TNRC6B: variants seen among roughly 807,000 people sequenced by gnomAD.
TNRC6B encodes the protein trinucleotide repeat-containing gene 6B protein.
A neutral mutation model predicts 203.6 loss-of-function variants in TNRC6B; 52 were observed. That is an observed-to-expected ratio of 0.26 (90% CI 0.20 to 0.32). TNRC6B has a LOEUF of 0.32. Ranked by LOEUF, TNRC6B falls within the 10% of genes least tolerant of loss-of-function variation. The pLI is 1.00. For synonymous variants in TNRC6B, 838 were observed against 845.7 expected (o/e 0.99, Z 0.16); for missense variants, 1,923 against 2,286.2 (o/e 0.84, Z 3.24).
intron 3 of TNRC6B, among the ~76,000 whole-genome samples, chr22:40,144,832 GT>G (rs35947949): frequency 0.36 from 54,366 of 151,690 alleles, 13,073 homozygotes; most frequent in African/African-American, 0.69. Flanking sequence ...CCCATTTATA[GT>G]TAATAGGGCG....
chr22:40,291,148 G>T (rs1481767754), intron 12 of TNRC6B, among the ~76,000 whole-genome samples: 1 of 152,206 alleles, frequency 6.6e-6, no homozygotes, highest in African/African-American at 2.4e-5. Context: ...CACTTTGGGA[G>T]ACCAAGATGG....
intron 12 of TNRC6B, 105 bp downstream of exon 12, chr22:40,285,875 A>G: frequency 1.4e-6 from 2 of 1,407,008 alleles, no homozygotes; most frequent in Non-Finnish European, 1.9e-6. Context: ...AGTAAGTAGC[A>G]TAAAATATGA....
chr22:40,253,096 T>G (rs1282921610), intron 3 of TNRC6B, among the ~76,000 whole-genome samples: 5 of 144,866 alleles, frequency 3.5e-5, no homozygotes, highest in Non-Finnish European at 5.9e-5. Flanking sequence ...TTTTTTTTCT[T>G]TTTTTCTTTT....
In TNRC6B at chr22:40,308,567, C is replaced by T. The variant is rs764625921; in HGVS notation, c.4176C>T (p.Thr1392=). 6.8e-6 allele frequency: 11 copies of T among 1,613,968 alleles called. No homozygotes were observed. Among genetic ancestry groups the T allele is most frequent in the East Asian group, 2.2e-5 (1 of 44,880 alleles). ...YGMVGGKEAG[T]ESRFKQWTSM... ...TGGTTGGTGGGAAGGAGGCTGGAACCGAGTCTCGCTTTAAACAGTGGACCT... is the reference window on the plus strand; with the variant it reads ...TGGTTGGTGGGAAGGAGGCTGGAACTGAGTCTCGCTTTAAACAGTGGACCT... The change falls in exon 16 of 23, where the codon ACC becomes ACT. Residue 1392 remains threonine, a synonymous_variant. Coordinates refer to ENST00000454349, the MANE Select transcript of TNRC6B (RefSeq NM_001162501.2).
upstream of TNRC6B, among the ~76,000 whole-genome samples, chr22:40,177,513 C>A (rs1330203503): frequency 5.3e-5 from 8 of 152,138 alleles, no homozygotes. Context: ...TATTTCACCT[C>A]ATTCTTTCAA....
At chr22:40,273,766 TCCTC>T (rs1289015674) in intron 7 of TNRC6B, among the ~76,000 whole-genome samples, 166 bp downstream of exon 7, 1 of 152,174 alleles carries the variant, frequency 6.6e-6, no homozygotes, top group Non-Finnish European at 1.5e-5. Context: ...GCTCAAGCAG[TCCTC>T]CCACCTCAGC....
intron 1 of TNRC6B, among the ~76,000 whole-genome samples, chr22:40,214,207 C>T (rs1021493462): frequency 3.3e-4 from 50 of 152,024 alleles, no homozygotes; most frequent in African/African-American, 1.1e-3. Flanking sequence ...GCAGAGGTTG[C>T]AGTGAGCAGA....
At chr22:40,149,149 A>T (rs574985420) in intron 3 of TNRC6B, among the ~76,000 whole-genome samples, 25 of 152,376 alleles carry the variant, frequency 1.6e-4, no homozygotes, top group African/African-American at 5.0e-4. Flanking sequence ...ATTGTGATAC[A>T]TTCTGAACAA....
At position 40,155,838 on chromosome 22, in the gene TNRC6B, C is replaced by T. The variant is rs531569237; in HGVS notation, c.46-277C>T. Among the ~76,000 whole-genome samples the T allele has an allele frequency of 5.7e-4, 87 of 152,278 alleles. 1 individual carries two copies. The highest frequency in any genetic ancestry group is 3.3e-3 in the Admixed American group (51 of 15,286). On this transcript the variant is annotated intron_variant, in intron 3 of 23. Coordinates refer to the TNRC6B transcript ENST00000301923. ...CCTGCTTGGTTATTTGCAGATTTTT[C>T]TAGTAGGTTGTCTTTGTCTCATTGA... is the stretch of plus-strand genomic sequence containing the variant.
At chr22:40,270,466 C>A (rs112173437) in intron 6 of TNRC6B, among the ~76,000 whole-genome samples, 186 bp downstream of exon 6, 1 of 151,886 alleles carries the variant, frequency 6.6e-6, no homozygotes, top group Non-Finnish European at 1.5e-5. Flanking sequence ...ATTACAGGCG[C>A]CCGCCACCAC....
At chr22:40,184,050 C>G (rs2069171389) in intron 1 of TNRC6B, among the ~76,000 whole-genome samples, 1 of 152,178 alleles carries the variant, frequency 6.6e-6, no homozygotes. Flanking sequence ...CCACTTTATA[C>G]AATGCTGTTG....
intron 15 of TNRC6B, chr22:40,301,611 T>C: frequency 2.3e-6 from 1 of 439,354 alleles, no homozygotes; most frequent in Non-Finnish European, 4.1e-6. Context: ...GTCTGGTTTA[T>C]TTTATTTAAC....
At chr22:40,231,968 G>C (rs566439320) in intron 1 of TNRC6B, among the ~76,000 whole-genome samples, 1 of 152,154 alleles carries the variant, frequency 6.6e-6, no homozygotes, top group Non-Finnish European at 1.5e-5. Context: ...AGCTAACCTG[G>C]AACCCTACAG....
At chr22:40,209,659 C>T (rs994368929) in intron 1 of TNRC6B, among the ~76,000 whole-genome samples, 1 of 152,168 alleles carries the variant, frequency 6.6e-6, no homozygotes, top group Non-Finnish European at 1.5e-5. Flanking sequence ...GAGATTTTCA[C>T]TTGAATACTC....
At chr22:40,100,531 A>G (rs556231429) in intron 1 of TNRC6B, among the ~76,000 whole-genome samples, 8 of 152,114 alleles carry the variant, frequency 5.3e-5, no homozygotes, top group African/African-American at 7.2e-5. Flanking sequence ...GGTGCACACC[A>G]CCATGTCAGG....
chr22:40,094,327 T>C (rs1177629040), intron 1 of TNRC6B, among the ~76,000 whole-genome samples: 2 of 152,142 alleles, frequency 1.3e-5, no homozygotes, highest in Non-Finnish European at 2.9e-5. Flanking sequence ...GCCAATTAAT[T>C]GTAAGATGTC....
chr22:40,295,108 G>C (rs1185221403), intron 12 of TNRC6B, among the ~76,000 whole-genome samples: 1 of 152,178 alleles, frequency 6.6e-6, no homozygotes, highest in Admixed American at 6.5e-5. Flanking sequence ...GACAGATCTT[G>C]AGAGAAAATG....
rs1568992989 is a variant in TNRC6B, at chr22:40,132,957, A to AAAT, written c.45+7097_45+7098insTAA. On this transcript the variant is annotated intron_variant, in intron 3 of 23. Coordinates refer to the TNRC6B transcript ENST00000301923. The stretch of plus-strand genomic sequence containing the variant: ...AGACTCTGTCTCAAAAAAAAAAAAA[A>AAAT]AAAAAAAAAAAAATATATATATATA... Among the ~76,000 whole-genome samples the AAAT allele has an allele frequency of 1.5e-4, 13 of 86,658 alleles. 1 individual carries two copies. Among genetic ancestry groups the AAAT allele is most frequent in the African/African-American group, 4.7e-4 (12 of 25,302 alleles). The allele number at this position is 86,658 out of a possible 152,430, so 56.9% of individuals were successfully genotyped here.
At chr22:40,321,647 G>T (rs569318966) in intron 22 of TNRC6B, 1 of 169,156 alleles carries the variant, frequency 5.9e-6, no homozygotes, top group Non-Finnish European at 1.3e-5. Context: ...TCAGCCAGGC[G>T]TGGGGGCGCA....
Sources: allele counts gnomAD v4.1 joint callset (sites outside exome capture counted in the v4.1 genomes callset), GRCh38; gene constraint gnomAD v4.1.1; transcripts MANE v1.5; gene names NCBI Gene and HGNC (gene_info 2026-07-23, HGNC 2026-07-21).